CNOT3: variants seen among roughly 807,000 people sequenced by gnomAD.
CNOT3 encodes CCR4-associated factor 3.
In CNOT3, 2 loss-of-function variants were observed where a neutral mutation model predicts 89.4. That is an observed-to-expected ratio of 0.02 (90% CI 0.01 to 0.07). The LOEUF (loss-of-function observed/expected upper bound fraction) is 0.07. Among genes scored for constraint, CNOT3 ranks in the 10% least tolerant of loss-of-function variants. The pLI, the probability that CNOT3 is intolerant of heterozygous loss-of-function variation, is 1.00. For missense variants in CNOT3, 664 were observed against 1,010.2 expected (o/e 0.66, Z 4.65); for synonymous variants, 486 against 402.0 (o/e 1.21, Z -2.50).
Position 54,148,897 on chromosome 19 carries a change from C to G in CNOT3, c.1406+154C>G, listed in dbSNP as rs145637751. 6.6e-6 allele frequency among the ~76,000 whole-genome samples: 1 copy of G among 152,196 alleles called. No homozygotes were observed. The highest frequency in any genetic ancestry group is 1.9e-4 in the East Asian group (1 of 5,180). On this transcript the variant is annotated intron_variant, in intron 12 of 17. Coordinates refer to ENST00000221232, the MANE Select transcript of CNOT3 (RefSeq NM_014516.4). The surrounding 1 kb of genome is among the most constrained non-coding windows in gnomAD (Gnocchi z 6.3). ...CCTCCATCTCCCTCGGGTGTTACAC[C>G]CCCACTTCTTTCCAGCAAGGAAACT...
intron 1 of CNOT3, among the ~76,000 whole-genome samples, chr19:54,139,435 A>C (rs1282689548): frequency 6.6e-6 from 1 of 152,104 alleles, no homozygotes; most frequent in African/African-American, 2.4e-5. Flanking sequence ...ACCCCATGAG[A>C]GTAGGAAGCT....
In CNOT3 at chr19:54,145,964, T is replaced by A; in HGVS notation, c.758T>A (p.Ile253Asn). The A allele has an allele frequency of 6.2e-7, 1 of 1,613,830 alleles. No homozygotes were observed. The highest frequency in any genetic ancestry group is 8.5e-7 in the Non-Finnish European group (1 of 1,179,920). ...PPSHSHMEDE[I>N]FNQSSSTPTS... ...AGCCACAGCCACATGGAGGATGAGA[T>A]CTTCAACCAGTCCAGCAGCACGCCC... is the stretch of plus-strand genomic sequence containing the variant. Residue 253 changes from isoleucine (I) to asparagine (N), a missense_variant, in exon 9 of 18, where the codon ATC becomes AAC. Ile to Asn is a moderately radical substitution (Grantham distance 149, BLOSUM62 -3). This residue lies in a region of CNOT3 where 545 missense variants were observed against 566.2 expected (regional missense o/e 0.96). Transcript: ENST00000221232. This position sits in a 1 kb window ranked among gnomAD's most constrained non-coding sequence, Gnocchi z 5.9.
chr19:54,155,293 C>A lies in CNOT3; in HGVS notation c.2164-16C>A. On this transcript the variant is annotated splice_polypyrimidine_tract_variant and intron_variant, in intron 17 of 17. Transcript: ENST00000221232. ...ACCTCCTCGTCCACTCACTGACCGC[C>A]TTCTCCCCCGGCCAGGGCACCTACA... 1 of 1,612,622 alleles carries A rather than the reference C, an allele frequency of 6.2e-7. No individual in the cohort carries two copies. Among genetic ancestry groups the A allele is most frequent in the South Asian group, 1.1e-5 (1 of 90,888 alleles).
chr19:54,138,176 C>T (rs1461738996), intron 1 of CNOT3, among the ~76,000 whole-genome samples, 183 bp downstream of exon 1: 1 of 151,850 alleles, frequency 6.6e-6, no homozygotes, highest in East Asian at 1.9e-4. Flanking sequence ...GGCTCCCTCC[C>T]TCTCGCCCTC....
At chr19:54,139,000 G>C (rs1261627355) in intron 1 of CNOT3, among the ~76,000 whole-genome samples, 1 of 152,234 alleles carries the variant, frequency 6.6e-6, no homozygotes, top group Non-Finnish European at 1.5e-5. Context: ...CAGGACCACT[G>C]TGGTCTTGTT....
chr19:54,143,281 T>C, intron 3 of CNOT3, 95 bp downstream of exon 3: 1 of 1,169,868 alleles, frequency 8.5e-7, no homozygotes, highest in Non-Finnish European at 1.2e-6. Context: ...CGGGAGGGGC[T>C]ACATATGCAG....
chr19:54,146,434 T>C (rs1357644583), intron 9 of CNOT3, among the ~76,000 whole-genome samples, 167 bp from the exon 10 acceptor site: 1 of 152,088 alleles, frequency 6.6e-6, no homozygotes, highest in Non-Finnish European at 1.5e-5. Context: ...CTGGAGAGCC[T>C]GAATTGAGAT....
Position 54,155,347 on chromosome 19 carries a change from G to A in CNOT3, c.2202G>A (p.Gln734=), listed in dbSNP as rs774095887. 1 of 1,613,364 alleles carries A rather than the reference G, an allele frequency of 6.2e-7. No individual in the cohort carries two copies. ...ACTTTGACTACGAGAAGTGGGGCCA[G>A]CGGAAGAAGGAAGGCTTCACCTTTG... ...YIYFDYEKWG[Q]RKKEGFTFEY... The change falls in exon 18 of 18, where the codon CAG becomes CAA. Residue 734 remains glutamine, a synonymous_variant. Coordinates refer to ENST00000221232, the MANE Select transcript of CNOT3 (RefSeq NM_014516.4).
intron 1 of CNOT3, among the ~76,000 whole-genome samples, chr19:54,138,522 C>G (rs1246524506): frequency 6.6e-6 from 1 of 151,690 alleles, no homozygotes; most frequent in African/African-American, 2.4e-5. Context: ...GGGTGGTGGT[C>G]GGGACGAGGA....
Position 54,148,638 on chromosome 19 carries a change from C to T in CNOT3, c.1301C>T (p.Ala434Val). The change falls in exon 12 of 18, where the codon GCA becomes GTA. Residue 434 changes from alanine (A) to valine (V), a missense_variant. This residue lies in a region of CNOT3 where 545 missense variants were observed against 566.2 expected (regional missense o/e 0.96). Transcript: ENST00000221232. This position sits in a 1 kb window ranked among gnomAD's most constrained non-coding sequence, Gnocchi z 6.3. ...NGATSYSSVV[A>V]DSPAEVALSS... Reference sequence around the variant, plus strand: ...TTCCCAGGTTACAGCTCAGTTGTGGCAGACAGCCCGGCAGAGGTGGCTTTG... The same window carrying T: ...TTCCCAGGTTACAGCTCAGTTGTGGTAGACAGCCCGGCAGAGGTGGCTTTG... The T allele has an allele frequency of 6.2e-7, 1 of 1,610,462 alleles. No homozygotes were observed. The highest frequency in any genetic ancestry group is 2.2e-5 in the East Asian group (1 of 44,738).
intron 1 of CNOT3, among the ~76,000 whole-genome samples, chr19:54,140,104 G>A (rs587701042): frequency 6.6e-6 from 1 of 152,270 alleles, no homozygotes; most frequent in African/African-American, 2.4e-5. Context: ...TAGTTTCCCA[G>A]GGCTGACCTC....
intron 13 of CNOT3, among the ~76,000 whole-genome samples, chr19:54,150,596 C>CGCGCCCAGGCTGTCCAGGAGGCAGTGTGT (rs1276282843): frequency 2.1e-3 from 231 of 108,250 alleles, no homozygotes; most frequent in African/African-American, 8.1e-3. Flanking sequence ...AGGCAGTGTG[C>CGCGCCCAGGCTGTCCAGGAGGCAGTGTGT]GCGCCCAGGC....
At position 54,152,897 on chromosome 19, in the gene CNOT3, G is replaced by GC; in HGVS notation, c.1941dup (p.Tyr648LeufsTer35). ...ACCTCCCCCGGAACCCCTGTCCGAC[G>GC]CCCCCCTACCACCACCAGATGCCAC... is the stretch of plus-strand genomic sequence containing the variant. On this transcript the variant is annotated frameshift_variant, in exon 16 of 18. Coordinates refer to ENST00000221232, the MANE Select transcript of CNOT3 (RefSeq NM_014516.4). LOFTEE classifies it high-confidence loss of function. 6.6e-7 allele frequency: 1 copy of GC among 1,516,024 alleles called. No homozygotes were observed. The highest frequency in any genetic ancestry group is 8.9e-7 in the Non-Finnish European group (1 of 1,120,336). 93.9% of individuals were successfully genotyped at this position (1,516,024 alleles called of 1,614,324 possible).
rs1336453523 is a variant in CNOT3 at position 54,152,423 on chromosome 19, C to G, written c.1706-5C>G. On this transcript the variant is annotated splice_region_variant and splice_polypyrimidine_tract_variant and intron_variant, in intron 14 of 17. Transcript: ENST00000221232. ...GAGGGGGCCGGACCCCCACCCTCCCCACAGACATCATCCTGAGCAGTACAT... is the reference window on the plus strand; with the variant it reads ...GAGGGGGCCGGACCCCCACCCTCCCGACAGACATCATCCTGAGCAGTACAT... 7 of 1,613,970 alleles carry G rather than the reference C, an allele frequency of 4.3e-6. No individual in the cohort carries two copies. Among genetic ancestry groups the G allele is most frequent in the African/African-American group, 2.7e-5 (2 of 74,926 alleles).
chr19:54,151,926 T>G (rs7248319), intron 13 of CNOT3, among the ~76,000 whole-genome samples: 6,258 of 152,346 alleles, frequency 0.041, 442 homozygotes, highest in African/African-American at 0.14. Context: ...GTACATATTC[T>G]GCAGGTTGGC....
In CNOT3 at chr19:54,152,901, C is replaced by A. The variant is rs766055133; in HGVS notation, c.1939C>A (p.Pro647Thr). Reference sequence around the variant, plus strand: ...CCCCCGGAACCCCTGTCCGACGCCCCCCTACCACCACCAGATGCCACCCCC... The same window carrying A: ...CCCCCGGAACCCCTGTCCGACGCCCACCTACCACCACCAGATGCCACCCCC... Reference protein sequence around the residue: ...YLPRNPCPTPPYHHQMPPPHS... With the variant: ...YLPRNPCPTPTYHHQMPPPHS... The change falls in exon 16 of 18, where the codon CCC becomes ACC. Residue 647 changes from proline (P) to threonine (T), a missense_variant. Pro to Thr is a conservative substitution (Grantham distance 38, BLOSUM62 -1). Coordinates refer to ENST00000221232, the MANE Select transcript of CNOT3 (RefSeq NM_014516.4). 20 of 1,573,644 alleles carry A rather than the reference C, an allele frequency of 1.3e-5. No homozygotes were observed. Among genetic ancestry groups the A allele is most frequent in the East Asian group, 2.2e-5 (1 of 44,718 alleles).
At position 54,148,677 on chromosome 19, in the gene CNOT3, G is replaced by T. The variant is rs1373307376; in HGVS notation, c.1340G>T (p.Gly447Val). 6.2e-7 allele frequency: 1 copy of T among 1,611,038 alleles called. No homozygotes were observed. Among genetic ancestry groups the T allele is most frequent in the Non-Finnish European group, 8.5e-7 (1 of 1,178,716 alleles). The change falls in exon 12 of 18, where the codon GGC (glycine) becomes GTC (valine). Residue 447 changes from glycine (G) to valine (V), a missense_variant. Physicochemically the swap from Gly to Val is moderately radical, Grantham distance 109. Around this residue, in one of 8 missense-constraint regions of CNOT3, gnomAD observed 545 missense variants for 566.2 expected, o/e 0.96. Transcript: ENST00000221232. This position sits in a 1 kb window ranked among gnomAD's most constrained non-coding sequence, Gnocchi z 6.3. ...GAGGTGGCTTTGAGCAGCAGTGGGG[G>T]CAACAATGCCAGCAGCCAGGCCTTG... ...PAEVALSSSGGNNASSQALGP... is the reference protein window; with the variant it reads ...PAEVALSSSGVNNASSQALGP...
intron 1 of CNOT3, among the ~76,000 whole-genome samples, chr19:54,140,095 A>T (rs1159901118): frequency 6.6e-6 from 1 of 152,126 alleles, no homozygotes; most frequent in Non-Finnish European, 1.5e-5. Context: ...ACCCGGTGTT[A>T]GTTTCCCAGG....
rs2074572456 is a variant in CNOT3 at position 54,144,367 on chromosome 19, GATGGGCATGGGA to G, written c.483+42_483+53del. On this transcript the variant is annotated intron_variant, in intron 7 of 17. Coordinates refer to ENST00000221232, the MANE Select transcript of CNOT3 (RefSeq NM_014516.4). This position sits in a 1 kb window ranked among gnomAD's most constrained non-coding sequence, Gnocchi z 4.8. ...GGAGACCCGACACCTTTGGGATGGG[GATGGGCATGGGA>G]ATGGGCTGGCCAGCAGGAGGCCAGT... The G allele has an allele frequency of 4.6e-6, 7 of 1,522,284 alleles. No homozygotes were observed. The highest frequency in any genetic ancestry group is 6.4e-6 in the Non-Finnish European group (7 of 1,097,764). The allele number at this position is 1,522,284 out of a possible 1,614,324, so 94.3% of individuals were successfully genotyped here.
Sources: allele counts gnomAD v4.1 joint callset (sites outside exome capture counted in the v4.1 genomes callset), GRCh38; gene constraint gnomAD v4.1.1; regional missense constraint gnomAD v4.1.1; non-coding constraint Gnocchi (gnomAD v3.1); transcripts MANE v1.5; gene names NCBI Gene and HGNC (gene_info 2026-07-23, HGNC 2026-07-21).